VPS8: variants seen among roughly 807,000 people sequenced by gnomAD.
VPS8 encodes the protein VPS8 subunit of CORVET complex, also known as vacuolar protein sorting-associated protein 8 homolog.
In VPS8, 129 loss-of-function variants were observed where a neutral mutation model predicts 216.4. That is an observed-to-expected ratio of 0.60 (90% CI 0.52 to 0.69). The LOEUF is 0.69. VPS8 is among the 30% of genes least tolerant of loss of function. VPS8 has a pLI of 0.00. For synonymous variants in VPS8, 571 were observed against 565.4 expected (o/e 1.01, Z -0.14); for missense variants, 1,531 against 1,683.5 (o/e 0.91, Z 1.59).
intron 25 of VPS8, among the ~76,000 whole-genome samples, chr3:184,903,883 A>G (rs565010898): frequency 6.6e-6 from 1 of 152,304 alleles, no homozygotes; most frequent in African/African-American, 2.4e-5. Flanking sequence ...GTTCATGAAC[A>G]CAGCACATCT....
chr3:185,016,386 T>C (rs1331968831), intron 45 of VPS8, among the ~76,000 whole-genome samples: 1 of 152,218 alleles, frequency 6.6e-6, no homozygotes, highest in African/African-American at 2.4e-5. Context: ...TATATATCCA[T>C]ATAATGAATA....
intron 45 of VPS8, among the ~76,000 whole-genome samples, chr3:185,002,256 C>G (rs1753517772): frequency 6.6e-6 from 1 of 151,970 alleles, no homozygotes; most frequent in Non-Finnish European, 1.5e-5. Flanking sequence ...TAGGGAATTC[C>G]TTTTTATTCC....
intron 36 of VPS8, among the ~76,000 whole-genome samples, chr3:184,944,936 A>G (rs1743407502): frequency 6.6e-6 from 1 of 152,174 alleles, no homozygotes; most frequent in Non-Finnish European, 1.5e-5. Context: ...CAAAGTTAAA[A>G]TACAAAATTA....
At chr3:185,041,657 T>G (rs1711649880) in intron 46 of VPS8, among the ~76,000 whole-genome samples, 1 of 152,252 alleles carries the variant, frequency 6.6e-6, no homozygotes, top group African/African-American at 2.4e-5. Flanking sequence ...AGCCTGTTAC[T>G]GTGCATTAAA....
At chr3:184,952,185 G>A (rs949442805) in intron 36 of VPS8, among the ~76,000 whole-genome samples, 11 of 152,200 alleles carry the variant, frequency 7.2e-5, no homozygotes. Flanking sequence ...TGAATGTGGG[G>A]AAACATTGGT....
intron 46 of VPS8, among the ~76,000 whole-genome samples, chr3:185,031,927 G>T (rs984791644): frequency 2.6e-5 from 4 of 152,188 alleles, no homozygotes; most frequent in Non-Finnish European, 5.9e-5. Context: ...ACTTTGGGAA[G>T]CCGAGACGGG....
intron 21 of VPS8, among the ~76,000 whole-genome samples, chr3:184,879,887 G>T (rs572857204): frequency 6.6e-6 from 1 of 152,180 alleles, no homozygotes; most frequent in South Asian, 2.1e-4. Context: ...ATCTGATTCT[G>T]GGAAGCAAAG....
chr3:185,031,722 T>A (rs1397184842), intron 46 of VPS8, among the ~76,000 whole-genome samples: 1 of 152,200 alleles, frequency 6.6e-6, no homozygotes, highest in Non-Finnish European at 1.5e-5. Context: ...CAAGGTATCT[T>A]GAGTGACACT....
intron 46 of VPS8, among the ~76,000 whole-genome samples, chr3:185,041,414 C>T (rs1711590713): frequency 6.6e-6 from 1 of 152,004 alleles, no homozygotes; most frequent in African/African-American, 2.4e-5. Flanking sequence ...TGTGTGAGAC[C>T]ATCTCGGTGC....
At chr3:184,918,252 C>T (rs1055013416) in intron 28 of VPS8, among the ~76,000 whole-genome samples, 1 of 152,128 alleles carries the variant, frequency 6.6e-6, no homozygotes, top group Non-Finnish European at 1.5e-5. Context: ...AATGTTGACC[C>T]GTGGATTAGG....
chr3:184,887,201 G>C (rs886509163), intron 22 of VPS8, among the ~76,000 whole-genome samples: 1 of 152,110 alleles, frequency 6.6e-6, no homozygotes, highest in Non-Finnish European at 1.5e-5. Context: ...TAAAAAATTA[G>C]TTGGGCATAG....
chr3:184,901,628 A>G (rs1245329926), intron 25 of VPS8, among the ~76,000 whole-genome samples: 1 of 152,104 alleles, frequency 6.6e-6, no homozygotes, highest in East Asian at 1.9e-4. Context: ...ACATCTTGCA[A>G]AAATAAAGTA....
At chr3:184,838,474 G>A (rs1721525621) in intron 5 of VPS8, among the ~76,000 whole-genome samples, 1 of 151,916 alleles carries the variant, frequency 6.6e-6, no homozygotes, top group African/African-American at 2.4e-5. Context: ...CCTCCCTGAG[G>A]CATCTTACTT....
chr3:184,969,726 A>G (rs1748084714), intron 39 of VPS8, among the ~76,000 whole-genome samples: 2 of 151,314 alleles, frequency 1.3e-5, no homozygotes, highest in Non-Finnish European at 2.9e-5. Context: ...CACCACACCC[A>G]GCCAAAAATA....
At chr3:184,939,897 G>A (rs147706829) in intron 35 of VPS8, among the ~76,000 whole-genome samples, 67 of 152,272 alleles carry the variant, frequency 4.4e-4, no homozygotes, top group Non-Finnish European at 7.6e-4. Flanking sequence ...CTGCCACTCC[G>A]AGGGTCCTTG....
At chr3:184,937,012 C>T (rs1265327506) in intron 35 of VPS8, among the ~76,000 whole-genome samples, 3 of 152,178 alleles carry the variant, frequency 2.0e-5, no homozygotes, top group Non-Finnish European at 4.4e-5. Flanking sequence ...GCTGGGATTA[C>T]AGGCGTGAGC....
At chr3:184,835,515 T>G (rs550810764) in intron 5 of VPS8, among the ~76,000 whole-genome samples, 11 of 152,174 alleles carry the variant, frequency 7.2e-5, no homozygotes, top group Non-Finnish European at 1.6e-4. Context: ...CAGACTTTTC[T>G]TTTGACCCCA....
chr3:184,912,612 A>T (rs1475519312), intron 25 of VPS8, among the ~76,000 whole-genome samples: 1 of 152,096 alleles, frequency 6.6e-6, no homozygotes, highest in Admixed American at 6.5e-5. Context: ...TTAAGTTGTT[A>T]TGCCATGCAG....
intron 2 of VPS8, among the ~76,000 whole-genome samples, chr3:184,825,646 G>T (rs984225793): frequency 6.6e-6 from 1 of 152,166 alleles, no homozygotes; most frequent in Non-Finnish European, 1.5e-5. Context: ...TCACGCCTGT[G>T]ATTCCAGCAC....
Sources: gnomAD v4.1 joint callset for allele counts (sites outside exome capture counted in the v4.1 genomes callset) on GRCh38, gnomAD v4.1.1 for gene constraint, MANE v1.5 for transcripts, NCBI Gene and HGNC (gene_info 2026-07-23, HGNC 2026-07-21) for gene names.